Variants in PHACTR2 observed in about 807,000 individuals in gnomAD.
PHACTR2 encodes the protein chromosome 6 open reading frame 56.
A neutral mutation model predicts 76.0 loss-of-function variants in PHACTR2; 30 were observed. The observed-to-expected ratio is 0.39, with a 90% CI of 0.30 to 0.54. The LOEUF (loss-of-function observed/expected upper bound fraction) is 0.54, where lower values mean the gene tolerates loss of function less well. PHACTR2 is among the 20% of genes least tolerant of loss of function. The probability of loss-of-function intolerance (pLI) is 0.61; values close to 1 mark genes in which losing one functional copy is unlikely to be tolerated. For missense variants in PHACTR2, 696 were observed against 781.1 expected, an observed-to-expected ratio of 0.89 and a Z score of 1.30; for synonymous variants, 292 against 292.5, an observed-to-expected ratio of 1.00 and a Z score of 0.02.
At chr6:143,734,212 T>C (rs1219136129) in intron 2 of PHACTR2, among the ~76,000 whole-genome samples, 1 of 152,254 alleles carries the variant, frequency 6.6e-6, no homozygotes, top group Non-Finnish European at 1.5e-5. Flanking sequence ...TTAGTGGTTT[T>C]ATAAATATGG....
At chr6:143,635,413 A>G (rs746434243) in intron 1 of PHACTR2, among the ~76,000 whole-genome samples, 1 of 152,142 alleles carries the variant, frequency 6.6e-6, no homozygotes, top group Non-Finnish European at 1.5e-5. Context: ...ACTTAAATAA[A>G]TGTAGGACAA....
chr6:143,631,755 A>G (rs1487968862), intron 1 of PHACTR2, among the ~76,000 whole-genome samples: 1 of 152,160 alleles, frequency 6.6e-6, no homozygotes, highest in Non-Finnish European at 1.5e-5. Context: ...TAGGAGTGAG[A>G]CAATTTTAGA....
At chr6:143,756,148 T>C (rs1184370351) in intron 4 of PHACTR2, among the ~76,000 whole-genome samples, 1 of 152,152 alleles carries the variant, frequency 6.6e-6, no homozygotes, top group East Asian at 1.9e-4. Context: ...AGACAATATC[T>C]CAATACTTTA....
rs1354679458 is a variant in PHACTR2 at position 143,822,978 on chromosome 6, A to C, written c.1923-696A>C. 6.6e-6 allele frequency among the ~76,000 whole-genome samples: 1 copy of C among 152,258 alleles called. No individual in the cohort carries two copies. Among genetic ancestry groups the C allele is most frequent in the Non-Finnish European group, 1.5e-5 (1 of 68,036 alleles). On this transcript the variant is annotated intron_variant, in intron 12 of 12. Transcript: ENST00000440869. This position sits in a 1 kb window ranked among gnomAD's most constrained non-coding sequence, Gnocchi z 5.5. ...AAGATGGAACTTTAATGATTCCAAG[A>C]CAGGCAGTTGAGGCAGGACTTGGTG...
At position 143,731,734 on chromosome 6, in the gene PHACTR2, C is replaced by CA. The variant is rs1450020830; in HGVS notation, c.215-17249dup. On this transcript the variant is annotated intron_variant, in intron 2 of 12. Transcript: ENST00000440869. This position sits in a 1 kb window ranked among gnomAD's most constrained non-coding sequence, Gnocchi z 4.9. The stretch of plus-strand genomic sequence containing the variant: ...ATATCAGGGCAACACCAACTTTATA[C>CA]AATCAGTTGGCAACTGTTCCCTCCT... Among the ~76,000 whole-genome samples, 1 of 152,208 alleles carries CA rather than the reference C, an allele frequency of 6.6e-6. No individual in the cohort carries two copies. The highest frequency in any genetic ancestry group is 1.5e-5 in the Non-Finnish European group (1 of 68,036).
At position 143,585,253 on chromosome 6, in the gene PHACTR2, A is replaced by G. The variant is rs138128545; in HGVS notation, c.217+48046A>G. On this transcript the variant is annotated intron_variant, in intron 1 of 11. Coordinates refer to the PHACTR2 transcript ENST00000367584. The surrounding 1 kb of genome is among the most constrained non-coding windows in gnomAD (Gnocchi z 5.2). ...AATATGGAGGAAGGGAATTTGAGGT[A>G]GAGAAGGTGTTGGAAACCCAGCTAA... Among the ~76,000 whole-genome samples, 740 of 152,248 alleles carry G rather than the reference A, an allele frequency of 4.9e-3. 5 individuals carry two copies. The highest frequency in any genetic ancestry group is 0.01 in the Middle Eastern group (3 of 294).
At chr6:143,566,676 C>G (rs1314855930) in intron 1 of PHACTR2, among the ~76,000 whole-genome samples, 1 of 151,974 alleles carries the variant, frequency 6.6e-6, no homozygotes, top group Non-Finnish European at 1.5e-5. Context: ...CACATGGTCC[C>G]TGTCCCTCTT....
At chr6:143,693,068 C>G (rs934667784) in intron 1 of PHACTR2, among the ~76,000 whole-genome samples, 8 of 152,216 alleles carry the variant, frequency 5.3e-5, no homozygotes, top group African/African-American at 1.9e-4. Context: ...TTATAAGAAC[C>G]CCATTGGAGT....
At chr6:143,762,008 A>G (rs1779453757) in intron 5 of PHACTR2, among the ~76,000 whole-genome samples, 1 of 152,050 alleles carries the variant, frequency 6.6e-6, no homozygotes, top group African/African-American at 2.4e-5. Context: ...AATTTCCCAG[A>G]ATGATGTGCC....
At chr6:143,732,845 G>A (rs1778732541) in intron 2 of PHACTR2, among the ~76,000 whole-genome samples, 1 of 152,066 alleles carries the variant, frequency 6.6e-6, no homozygotes, top group African/African-American at 2.4e-5. Flanking sequence ...TGGGTATAAA[G>A]TAGCTCCACC....
At chr6:143,667,770 T>G (rs1777066721) in intron 1 of PHACTR2, among the ~76,000 whole-genome samples, 1 of 152,232 alleles carries the variant, frequency 6.6e-6, no homozygotes, top group African/African-American at 2.4e-5. Context: ...TTAAGGAGAT[T>G]TTGGGCTGAG....
Position 143,653,402 on chromosome 6 carries a change from A to C in PHACTR2, c.13+45080A>C, listed in dbSNP as rs1283745983. The stretch of plus-strand genomic sequence containing the variant: ...CCTTATACAGACTGTGGAGATGGGC[A>C]AAGGAAAAAAATCTCCAAGCTTTTT... On this transcript the variant is annotated intron_variant, in intron 1 of 11. Coordinates refer to the PHACTR2 transcript ENST00000305766. The surrounding 1 kb of genome is among the most constrained non-coding windows in gnomAD (Gnocchi z 4.9). Among the ~76,000 whole-genome samples, 1 of 152,160 alleles carries C rather than the reference A, an allele frequency of 6.6e-6. No homozygotes were observed. The highest frequency in any genetic ancestry group is 1.5e-5 in the Non-Finnish European group (1 of 68,016).
chr6:143,576,897 A>G (rs1775522575), intron 1 of PHACTR2, among the ~76,000 whole-genome samples: 2 of 102,998 alleles, frequency 1.9e-5, no homozygotes, highest in Middle Eastern at 5.3e-3. Context: ...AAAAAAAAAA[A>G]AAAAAAAAAA....
intron 1 of PHACTR2, among the ~76,000 whole-genome samples, chr6:143,657,036 G>C (rs1218520406): frequency 2.0e-5 from 3 of 147,090 alleles, no homozygotes; most frequent in Non-Finnish European, 4.5e-5. Context: ...TGAACAATGA[G>C]AACACATGGA....
At chr6:143,703,154 A>G (rs1189255618) in intron 1 of PHACTR2, among the ~76,000 whole-genome samples, 2 of 117,996 alleles carry the variant, frequency 1.7e-5, no homozygotes, top group African/African-American at 6.3e-5. Context: ...ACAAAAAATT[A>G]CTAAAAAAAA....
chr6:143,719,353 T>G (rs1778387638), intron 2 of PHACTR2, among the ~76,000 whole-genome samples: 1 of 131,082 alleles, frequency 7.6e-6, no homozygotes, highest in African/African-American at 2.8e-5. Context: ...ACACTTCTTT[T>G]TTTTTTTTTT....
Position 143,712,046 on chromosome 6 carries a change from A to G in PHACTR2, c.77A>G (p.Asn26Ser). The change falls in exon 2 of 13, where the codon AAC becomes AGC. Residue 26 changes from asparagine (N) to serine (S), a missense_variant. Asn to Ser is a conservative substitution (Grantham distance 46). Around this residue, in one of 2 missense-constraint regions of PHACTR2, gnomAD observed 460 missense variants for 450.9 expected, o/e 1.02. Coordinates refer to ENST00000440869, the MANE Select transcript of PHACTR2 (RefSeq NM_001100164.2). ...GGACTGGACAAAGCTTCTATAGCAA[A>G]CTCAGATGGCCCCACAGCAGGTTCC... ...VDGLDKASIA[N>S]SDGPTAGSQT... 6.3e-7 allele frequency: 1 copy of G among 1,592,094 alleles called. No homozygotes were observed. Among genetic ancestry groups the G allele is most frequent in the South Asian group, 1.2e-5 (1 of 86,744 alleles).
At chr6:143,620,199 CT>C (rs1413405724) in intron 1 of PHACTR2, among the ~76,000 whole-genome samples, 1 of 152,188 alleles carries the variant, frequency 6.6e-6, no homozygotes, top group African/African-American at 2.4e-5. Context: ...GCTTTAACTT[CT>C]AAATATCCTG....
At chr6:143,645,509 G>A (rs545417827) in intron 1 of PHACTR2, among the ~76,000 whole-genome samples, 4 of 152,240 alleles carry the variant, frequency 2.6e-5, no homozygotes, top group African/African-American at 7.2e-5. Flanking sequence ...GGAAAATGCT[G>A]TTTCTTATTC....
Sources: allele counts gnomAD v4.1 joint callset (sites outside exome capture counted in the v4.1 genomes callset), GRCh38; gene constraint gnomAD v4.1.1; regional missense constraint gnomAD v4.1.1; non-coding constraint Gnocchi (gnomAD v3.1); transcripts MANE v1.5; gene names NCBI Gene and HGNC (gene_info 2026-07-23, HGNC 2026-07-21).